Variants in APOC2 observed in about 807,000 individuals in gnomAD.
APOC2 encodes the protein apolipoprotein C-II.
In APOC2, 6 loss-of-function variants were observed where a neutral mutation model predicts 10.2. That is an observed-to-expected ratio of 0.59 (90% CI 0.32 to 1.16). The LOEUF (loss-of-function observed/expected upper bound fraction) is 1.16, where lower values mean the gene tolerates loss of function less well. APOC2 is among the 50% of genes most tolerant of loss of function. The pLI is 0.05. For synonymous variants in APOC2, 56 were observed against 48.5 expected (o/e 1.15, Z -0.64); for missense variants, 110 against 117.6 (o/e 0.94, Z 0.30).
chr19:44,949,401 T>G lies in APOC2; in HGVS notation c.*152T>G, dbSNP rs113743508. 70 of 694,022 alleles carry G rather than the reference T, an allele frequency of 1.0e-4. No individual in the cohort carries two copies. The East Asian group carries it at 1.9e-3, about 19-fold the overall frequency. The allele number at this position is 694,022 out of a possible 1,614,324, so 43.0% of individuals were successfully genotyped here. On this transcript the variant is annotated 3_prime_UTR_variant, in exon 4 of 4. Transcript: ENST00000252490. ...CAATAAAAAATACAATTCAAGTTGC[T>G]TCTCATGGATGGCACTGCTTTTCTG...
rs1170203582 is a variant in APOC2 at position 44,948,863 on chromosome 19, A to G, written c.215+3A>G. The G allele has an allele frequency of 3.1e-6, 5 of 1,611,698 alleles. No homozygotes were observed. The highest frequency in any genetic ancestry group is 2.5e-6 in the Non-Finnish European group (3 of 1,179,994). Reference sequence around the variant, plus strand: ...CCCGCTGTAGATGAGAAACTCAGGTAGCACCTGCCCCTGGAGAAATGGGGT... The same window carrying G: ...CCCGCTGTAGATGAGAAACTCAGGTGGCACCTGCCCCTGGAGAAATGGGGT... On this transcript the variant is annotated splice_donor_region_variant and intron_variant, in intron 3 of 3. Transcript: ENST00000252490.
In APOC2 at chr19:44,948,695, C is replaced by G. The variant is rs1024038780; in HGVS notation, c.56-6C>G. 5 of 1,613,964 alleles carry G rather than the reference C, an allele frequency of 3.1e-6. No individual in the cohort carries two copies. The African/African-American group carries it at 5.3e-5, about 17-fold the overall frequency. ...CGGGCTCTCCTGACACACTCTCCCC[C>G]TGCAGAGGTCCAGGGGACCCAACAG... On this transcript the variant is annotated splice_region_variant and splice_polypyrimidine_tract_variant and intron_variant, in intron 2 of 3. Transcript: ENST00000252490.
At chr19:44,946,465 T>C (rs1429734779) in intron 1 of APOC2, among the ~76,000 whole-genome samples, 1 of 152,080 alleles carries the variant, frequency 6.6e-6, no homozygotes, top group East Asian at 1.9e-4. Flanking sequence ...GAGGATGCAG[T>C]GAGCTGTGAT....
intron 1 of APOC2, 119 bp from the exon 2 acceptor site, chr19:44,948,347 G>C (rs968467330): frequency 7.0e-6 from 6 of 853,464 alleles, no homozygotes; most frequent in Non-Finnish European, 1.2e-5. Flanking sequence ...TGGGAAACTT[G>C]ACTGGGACAC....
Position 44,949,322 on chromosome 19 carries a change from C to A in APOC2, c.*73C>A. The A allele has an allele frequency of 1.7e-6, 2 of 1,170,494 alleles. No individual in the cohort carries two copies. Among genetic ancestry groups the A allele is most frequent in the Admixed American group, 1.9e-5 (1 of 52,304 alleles). 72.5% of individuals were successfully genotyped at this position (1,170,494 alleles called of 1,614,324 possible). ...TGATCCCCCAGGTTCAGACTGAGCT[C>A]CCCCTTCCCAGTAGCTCTTGCATCC... On this transcript the variant is annotated 3_prime_UTR_variant, in exon 4 of 4. Transcript: ENST00000252490.
At chr19:44,947,232 C>T (rs1226733629) in intron 1 of APOC2, 2 of 152,184 alleles carry the variant, frequency 1.3e-5, no homozygotes, top group Non-Finnish European at 2.9e-5. Context: ...TGCCGTACTT[C>T]CTCATCTCCT....
chr19:44,948,391 C>T (rs12709887), intron 1 of APOC2, 75 bp from the exon 2 acceptor site: 11 of 1,278,300 alleles, frequency 8.6e-6, no homozygotes, highest in African/African-American at 1.5e-5. Flanking sequence ...CAGTCCCCCC[C>T]ACCAGAGTGG....
intron 1 of APOC2, among the ~76,000 whole-genome samples, chr19:44,947,778 A>G (rs148616221): frequency 1.6e-3 from 237 of 152,268 alleles, no homozygotes; most frequent in African/African-American, 5.5e-3. Context: ...TACTAAAAAT[A>G]CAAAAATCAG....
intron 3 of APOC2, 144 bp from the exon 4 acceptor site, chr19:44,949,015 T>TCCAGG (rs1970354800): frequency 9.9e-7 from 1 of 1,010,286 alleles, no homozygotes; most frequent in Admixed American, 2.9e-5. Flanking sequence ...CCCCAGCCCG[T>TCCAGG]CCTCCCTCAG....
chr19:44,948,406 T>C, intron 1 of APOC2, 60 bp from the exon 2 acceptor site: 1 of 1,451,276 alleles, frequency 6.9e-7, no homozygotes, highest in South Asian at 1.1e-5. Flanking sequence ...GAGTGGGGCG[T>C]GACCACAGGA....
chr19:44,946,234 T>TGTGTGTGTGTGAGA (rs1236986911), intron 1 of APOC2, among the ~76,000 whole-genome samples, 159 bp downstream of exon 1: 101 of 132,896 alleles, frequency 7.6e-4, no homozygotes, highest in African/African-American at 2.8e-3. Flanking sequence ...TGTGTGTGTG[T>TGTGTGTGTGTGAGA]GAGAGAGAGA....
At chr19:44,947,713 C>G (rs1163198557) in intron 1 of APOC2, among the ~76,000 whole-genome samples, 1 of 152,086 alleles carries the variant, frequency 6.6e-6, no homozygotes, top group African/African-American at 2.4e-5. Context: ...GCAGGCAAAT[C>G]ACTTGAGGTT....
rs1209675341 is a variant in APOC2 at position 44,948,520 on chromosome 19, G to T, written c.42G>T (p.Leu14=). ...RLLPALFLVL[L]VLGFEVQGTQ... ...TCCCAGCTCTGTTTCTTGTCCTCCT[G>T]GTATTGGGATTTGGTGAGTGTGGGC... The change falls in exon 2 of 4, where the codon CTG becomes CTT. Residue 14 remains leucine (L), a synonymous_variant. Transcript: ENST00000252490. The T allele has an allele frequency of 1.2e-6, 2 of 1,613,962 alleles. No individual in the cohort carries two copies. Among genetic ancestry groups the T allele is most frequent in the Non-Finnish European group, 1.7e-6 (2 of 1,179,994 alleles).
chr19:44,949,315 C>G lies in APOC2; in HGVS notation c.*66C>G. ...ACTCCCCTGATCCCCCAGGTTCAGACTGAGCTCCCCCTTCCCAGTAGCTCT... is the reference window on the plus strand; with the variant it reads ...ACTCCCCTGATCCCCCAGGTTCAGAGTGAGCTCCCCCTTCCCAGTAGCTCT... On this transcript the variant is annotated 3_prime_UTR_variant, in exon 4 of 4. Coordinates refer to ENST00000252490, the MANE Select transcript of APOC2 (RefSeq NM_000483.5). 8.0e-7 allele frequency: 1 copy of G among 1,256,656 alleles called. No homozygotes were observed. Among genetic ancestry groups the G allele is most frequent in the South Asian group, 1.2e-5 (1 of 80,646 alleles). 77.8% of individuals were successfully genotyped at this position (1,256,656 alleles called of 1,614,324 possible).
intron 1 of APOC2, 63 bp from the exon 2 acceptor site, chr19:44,948,403 G>A (rs566874952): frequency 2.8e-6 from 4 of 1,407,778 alleles, no homozygotes; most frequent in East Asian, 4.6e-5. Context: ...CCAGAGTGGG[G>A]CGTGACCACA....
chr19:44,947,684 A>C (rs1229631849), intron 1 of APOC2, among the ~76,000 whole-genome samples: 1 of 152,190 alleles, frequency 6.6e-6, no homozygotes, highest in Non-Finnish European at 1.5e-5. Flanking sequence ...CTGTAATTCC[A>C]GCACTTTGGG....
rs1209675341 is a variant in APOC2 at position 44,948,520 on chromosome 19, G to A, written c.42G>A (p.Leu14=). The A allele has an allele frequency of 6.2e-7, 1 of 1,614,078 alleles. No homozygotes were observed. Among genetic ancestry groups the A allele is most frequent in the Non-Finnish European group, 8.5e-7 (1 of 1,179,986 alleles). The change falls in exon 2 of 4, where the codon CTG becomes CTA. Residue 14 remains leucine, a synonymous_variant. Transcript: ENST00000252490. The part of the protein sequence containing the change: ...RLLPALFLVL[L]VLGFEVQGTQ... ...TCCCAGCTCTGTTTCTTGTCCTCCT[G>A]GTATTGGGATTTGGTGAGTGTGGGC...
In APOC2 at chr19:44,949,269, T is replaced by C. The variant is rs1020175030; in HGVS notation, c.*20T>C. ...GAGTAACAGCCAGACCCCCCATCAG[T>C]GGACAAGGGGAGAGTCCCCTACTCC... is the stretch of plus-strand genomic sequence containing the variant. On this transcript the variant is annotated 3_prime_UTR_variant, in exon 4 of 4. Transcript: ENST00000252490. 5.6e-6 allele frequency: 9 copies of C among 1,606,644 alleles called. No homozygotes were observed. In the African/African-American group the frequency reaches 1.2e-4, roughly 21 times the overall value.
chr19:44,946,290 C>T (rs920425981), intron 1 of APOC2, among the ~76,000 whole-genome samples: 5 of 151,652 alleles, frequency 3.3e-5, no homozygotes, highest in African/African-American at 7.3e-5. Context: ...TAGACTCAAA[C>T]TCCTGGGCTC....
Sources: gnomAD v4.1 joint callset for allele counts (sites outside exome capture counted in the v4.1 genomes callset) on GRCh38, gnomAD v4.1.1 for gene constraint, MANE v1.5 for transcripts, NCBI Gene and HGNC (gene_info 2026-07-23, HGNC 2026-07-21) for gene names.